The following MYO10 variants were observed in gnomAD, a reference collection of about 807,000 sequenced individuals.
MYO10 encodes the protein myosin X, also known as unconventional myosin-X.
MYO10 carries 133 observed loss-of-function variants against 257.3 expected under a neutral mutation model. The ratio of observed to expected loss-of-function variants is 0.52; its 90% CI spans 0.45 to 0.60. The LOEUF (loss-of-function observed/expected upper bound fraction) is 0.60. Ranked by LOEUF, MYO10 falls within the 20% of genes least tolerant of loss-of-function variation. The probability of loss-of-function intolerance (pLI) is 0.00; values close to 1 mark genes in which losing one functional copy is unlikely to be tolerated. For synonymous variants in MYO10, 1,104 were observed against 1,028.6 expected, an observed-to-expected ratio of 1.07 and a Z score of -1.40; for missense variants, 2,399 against 2,635.7, an observed-to-expected ratio of 0.91 and a Z score of 1.97.
chr5:16,877,756 G>A (rs765951573), intron 1 of MYO10, 49 bp from the exon 2 acceptor site: 2 of 1,462,182 alleles, frequency 1.4e-6, no homozygotes, highest in Non-Finnish European at 1.9e-6. Flanking sequence ...TGCATTTTGT[G>A]GCGAAACTGT....
intron 26 of MYO10, among the ~76,000 whole-genome samples, chr5:16,697,588 C>T (rs189638127): frequency 5.9e-5 from 9 of 152,106 alleles, no homozygotes; most frequent in East Asian, 3.9e-4. Context: ...ATCCCAGCTA[C>T]TCAGGAGGCT....
chr5:16,697,919 T>C (rs927176166), intron 26 of MYO10, among the ~76,000 whole-genome samples: 14 of 152,160 alleles, frequency 9.2e-5, no homozygotes, highest in African/African-American at 3.1e-4. Context: ...TCTAGGTCCA[T>C]GCGAGAAACA....
At position 16,674,785 on chromosome 5, in the gene MYO10, C is replaced by G. The variant is rs753922589; in HGVS notation, c.4964+68G>C. ...CTGTTCAAAAGCCTCTTTATCTGAA[C>G]GAGGACCCAGTGCCCCACCTGTGTA... On this transcript the variant is annotated intron_variant, in intron 35 of 40. Transcript: ENST00000513610. 61 of 1,552,324 alleles carry G rather than the reference C, an allele frequency of 3.9e-5. No individual in the cohort carries two copies. In the East Asian group the frequency reaches 1.1e-3, roughly 27 times the overall value.
chr5:16,676,820 A>T (rs1403333499), intron 33 of MYO10, among the ~76,000 whole-genome samples: 2 of 152,252 alleles, frequency 1.3e-5, no homozygotes, highest in Non-Finnish European at 2.9e-5. Context: ...CCTGGGCAAC[A>T]TAGTGAGGCC....
intron 2 of MYO10, among the ~76,000 whole-genome samples, chr5:16,833,309 G>A (rs1257995049): frequency 6.6e-6 from 1 of 151,692 alleles, no homozygotes; most frequent in Non-Finnish European, 1.5e-5. Context: ...CGCCTCCCAG[G>A]CTCAAATGAT....
At chr5:16,846,843 T>C (rs975087964) in intron 2 of MYO10, among the ~76,000 whole-genome samples, 2 of 152,248 alleles carry the variant, frequency 1.3e-5, no homozygotes, top group African/African-American at 4.8e-5. Flanking sequence ...TAAGGCCACG[T>C]GCGGTGGCTC....
chr5:16,668,175 A>G lies in MYO10; in HGVS notation c.6075+102T>C, dbSNP rs1736264681. 5.4e-6 allele frequency: 7 copies of G among 1,286,976 alleles called. No homozygotes were observed. In the East Asian group the frequency reaches 1.2e-4, roughly 22 times the overall value. 79.7% of individuals were successfully genotyped at this position (1,286,976 alleles called of 1,614,324 possible). A position where few individuals can be genotyped will look rare whatever the true frequency, so the allele number is the denominator to read the frequency against. On this transcript the variant is annotated intron_variant, in intron 40 of 40. Coordinates refer to ENST00000513610, the MANE Select transcript of MYO10 (RefSeq NM_012334.3). ...GTATTTTCGTGTTTTGAAGAAAAAT[A>G]TTCAAAGAAAATGACCTGGTCAAAG...
intron 11 of MYO10, among the ~76,000 whole-genome samples, chr5:16,765,428 G>A (rs1020176464): frequency 6.6e-6 from 1 of 152,134 alleles, no homozygotes; most frequent in Admixed American, 6.6e-5. Context: ...CTTGCACACA[G>A]CCTATTGTGG....
intron 9 of MYO10, among the ~76,000 whole-genome samples, chr5:16,778,656 C>A (rs922825886): frequency 2.7e-5 from 4 of 146,652 alleles, no homozygotes; most frequent in Admixed American, 1.4e-4. Flanking sequence ...AGGTGGGGGC[C>A]TGTTAGCAGG....
At chr5:16,833,926 G>C (rs542337454) in intron 2 of MYO10, among the ~76,000 whole-genome samples, 10 of 152,228 alleles carry the variant, frequency 6.6e-5, no homozygotes, top group African/African-American at 2.4e-4. Flanking sequence ...GATGTAATCT[G>C]GCCATACCCT....
intron 1 of MYO10, among the ~76,000 whole-genome samples, chr5:16,892,756 C>A (rs573207482): frequency 6.6e-6 from 1 of 152,208 alleles, no homozygotes; most frequent in Admixed American, 6.5e-5. Context: ...TGGCTTTCAG[C>A]CCTCATATTG....
chr5:16,928,280 C>T (rs74386383), intron 1 of MYO10, among the ~76,000 whole-genome samples: 3 of 152,096 alleles, frequency 2.0e-5, no homozygotes, highest in South Asian at 2.1e-4. Flanking sequence ...CCGTAATCTT[C>T]ACCTCCCGGA....
chr5:16,859,968 T>C (rs1381888182), intron 2 of MYO10, among the ~76,000 whole-genome samples: 1 of 152,084 alleles, frequency 6.6e-6, no homozygotes, highest in Non-Finnish European at 1.5e-5. Flanking sequence ...ATAACTTAAC[T>C]GAGTTATCTG....
chr5:16,716,726 A>T (rs1265272728), intron 19 of MYO10, among the ~76,000 whole-genome samples: 2 of 152,034 alleles, frequency 1.3e-5, no homozygotes, highest in Non-Finnish European at 2.9e-5. Context: ...AGCTTGTCAC[A>T]CAGGAGCCAT....
At position 16,895,653 on chromosome 5, in the gene MYO10, G is replaced by A. The variant is rs1360596269; in HGVS notation, c.22-17946C>T. Among the ~76,000 whole-genome samples, 5 of 151,432 alleles carry A rather than the reference G, an allele frequency of 3.3e-5. No homozygotes were observed. In the East Asian group the frequency reaches 9.7e-4, roughly 29 times the overall value. The stretch of plus-strand genomic sequence containing the variant: ...GAGACACCCAAAGGAATTTCCTAGG[G>A]GTGGATTCCAGCATCCCCATCCATC... On this transcript the variant is annotated intron_variant, in intron 1 of 40. Transcript: ENST00000513610.
chr5:16,727,554 A>G (rs1280280007), intron 19 of MYO10, among the ~76,000 whole-genome samples: 3 of 152,238 alleles, frequency 2.0e-5, no homozygotes, highest in Admixed American at 6.5e-5. Context: ...ATGACTCTGA[A>G]CAAATAAATC....
At chr5:16,690,999 G>T (rs1002403783) in intron 27 of MYO10, among the ~76,000 whole-genome samples, 1 of 152,112 alleles carries the variant, frequency 6.6e-6, no homozygotes, top group African/African-American at 2.4e-5. Flanking sequence ...GCCGGGCGTG[G>T]TGGCTCACGC....
intron 19 of MYO10, among the ~76,000 whole-genome samples, chr5:16,737,904 G>C (rs1405733178): frequency 6.6e-6 from 1 of 152,184 alleles, no homozygotes; most frequent in Non-Finnish European, 1.5e-5. Flanking sequence ...ATAGGAAAAG[G>C]GTTAAGCAAG....
At chr5:16,859,191 T>C (rs1744044986) in intron 2 of MYO10, among the ~76,000 whole-genome samples, 1 of 152,144 alleles carries the variant, frequency 6.6e-6, no homozygotes, top group Non-Finnish European at 1.5e-5. Context: ...GGATGGCTAA[T>C]TAACAATAGA....
Sources: allele counts gnomAD v4.1 joint callset (sites outside exome capture counted in the v4.1 genomes callset), GRCh38; gene constraint gnomAD v4.1.1; transcripts MANE v1.5; gene names NCBI Gene and HGNC (gene_info 2026-07-23, HGNC 2026-07-21).